Variants in TNRC6C observed in about 807,000 individuals in gnomAD.
The protein encoded by TNRC6C is trinucleotide repeat-containing gene 6C protein.
A neutral mutation model predicts 153.7 loss-of-function variants in TNRC6C; 20 were observed. The ratio of observed to expected loss-of-function variants is 0.13; its 90% CI spans 0.09 to 0.19. The LOEUF is 0.19. TNRC6C is among the 10% of genes least tolerant of loss of function. The pLI is 1.00. For synonymous variants in TNRC6C, 811 were observed against 841.4 expected (o/e 0.96, Z 0.63); for missense variants, 1,987 against 2,172.0 (o/e 0.91, Z 1.69).
upstream of TNRC6C, among the ~76,000 whole-genome samples, chr17:77,957,682 C>G (rs964849981): frequency 5.3e-5 from 8 of 152,368 alleles, no homozygotes; most frequent in African/African-American, 1.7e-4. Flanking sequence ...CTTCTGCGAC[C>G]TTGCATGAAA....
At chr17:78,098,453 A>T (rs745570399) in exon 17 of TNRC6C, 2 of 1,613,984 alleles carry the variant, frequency 1.2e-6, no homozygotes, top group African/African-American at 2.7e-5. Flanking sequence ...TGCACCCACG[A>T]GGCCACCTCC....
At chr17:78,097,610 C>T in intron 16 of TNRC6C, 135 bp from the exon 19 acceptor site, 1 of 588,886 alleles carries the variant, frequency 1.7e-6, no homozygotes, top group Non-Finnish European at 2.9e-6. Context: ...CCACATGTCA[C>T]TTTCATGTTC....
chr17:78,031,099 TCA>T (rs930468948), intron 1 of TNRC6C, among the ~76,000 whole-genome samples: 10 of 151,692 alleles, frequency 6.6e-5, no homozygotes, highest in African/African-American at 2.4e-4. Context: ...AGACACTGTC[TCA>T]CACTTAAAAA....
At chr17:78,011,076 C>T (rs2071620612) in intron 1 of TNRC6C, among the ~76,000 whole-genome samples, 1 of 152,190 alleles carries the variant, frequency 6.6e-6, no homozygotes, top group East Asian at 1.9e-4. Context: ...AAGGCAGTTT[C>T]TAAGTTTAGA....
chr17:78,064,786 A>T (rs998367040), exon 4 of TNRC6C: 4 of 1,613,932 alleles, frequency 2.5e-6, no homozygotes, highest in Non-Finnish European at 3.4e-6. Flanking sequence ...GGGGAGAACC[A>T]TCCTCCCCTT....
At chr17:77,970,385 A>G (rs7210864) in intron 1 of TNRC6C, among the ~76,000 whole-genome samples, 6,598 of 152,204 alleles carry the variant, frequency 0.043, 462 homozygotes, top group African/African-American at 0.15. Flanking sequence ...AGCTGGGACC[A>G]CAGGCATGCA....
At chr17:77,994,719 A>C (rs940778370) in intron 1 of TNRC6C, among the ~76,000 whole-genome samples, 23 of 152,326 alleles carry the variant, frequency 1.5e-4, no homozygotes, top group Non-Finnish European at 2.9e-4. Flanking sequence ...CACAAGTTTC[A>C]GAACACAGAA....
chr17:78,006,916 C>T (rs2071528549), intron 1 of TNRC6C, among the ~76,000 whole-genome samples: 1 of 151,230 alleles, frequency 6.6e-6, no homozygotes, highest in African/African-American at 2.4e-5. Flanking sequence ...GCAACCTCCA[C>T]CCCTCAGGTT....
At chr17:77,979,793 A>C (rs2071048569) in intron 1 of TNRC6C, among the ~76,000 whole-genome samples, 1 of 152,200 alleles carries the variant, frequency 6.6e-6, no homozygotes, top group South Asian at 2.1e-4. Flanking sequence ...AAATTGCCAA[A>C]ACAAAGAAAA....
intron 1 of TNRC6C, among the ~76,000 whole-genome samples, chr17:77,979,158 C>G (rs968700261): frequency 6.6e-6 from 1 of 152,002 alleles, no homozygotes; most frequent in African/African-American, 2.4e-5. Flanking sequence ...GAACTGGACA[C>G]TATTAAAAAA....
intron 8 of TNRC6C, among the ~76,000 whole-genome samples, chr17:78,076,716 G>A (rs1160454547): frequency 1.3e-5 from 2 of 152,050 alleles, no homozygotes; most frequent in African/African-American, 2.4e-5. Context: ...AAATTAATAA[G>A]GTTCTGTCTT....
intron 12 of TNRC6C, 76 bp from the exon 15 acceptor site, chr17:78,086,777 G>A (rs2073298947): frequency 6.3e-7 from 1 of 1,582,574 alleles, no homozygotes; most frequent in African/African-American, 1.3e-5. Context: ...AGACAATGAA[G>A]AATGCATTTG....
intron 1 of TNRC6C, among the ~76,000 whole-genome samples, chr17:78,013,209 G>A (rs2071667308): frequency 6.6e-6 from 1 of 152,220 alleles, no homozygotes; most frequent in Non-Finnish European, 1.5e-5. Context: ...AAGGACTTTA[G>A]ATCTTCTGGA....
chr17:78,094,282 A>G (rs1324293447), intron 16 of TNRC6C, among the ~76,000 whole-genome samples: 1 of 151,974 alleles, frequency 6.6e-6, no homozygotes, highest in African/African-American at 2.4e-5. Context: ...CATCTCTGAT[A>G]AAGTTTTATC....
intron 1 of TNRC6C, among the ~76,000 whole-genome samples, chr17:77,994,699 C>T (rs907917497): frequency 6.6e-6 from 1 of 151,668 alleles, no homozygotes; most frequent in Non-Finnish European, 1.5e-5. Flanking sequence ...CTAAACTTGC[C>T]CAAATATGCC....
chr17:77,958,366 C>G (rs2070826505), upstream of TNRC6C, among the ~76,000 whole-genome samples: 1 of 152,024 alleles, frequency 6.6e-6, no homozygotes, highest in African/African-American at 2.4e-5. Context: ...CCGAGCAGTG[C>G]AAGCTCCCAG....
At chr17:78,080,183 ACG>A (rs1270231772) in intron 10 of TNRC6C, among the ~76,000 whole-genome samples, 2 of 152,218 alleles carry the variant, frequency 1.3e-5, no homozygotes, top group African/African-American at 4.8e-5. Context: ...GCGGCGGCTC[ACG>A]CCTGTAATCC....
intron 18 of TNRC6C, among the ~76,000 whole-genome samples, chr17:78,102,986 T>C (rs781652213): frequency 6.6e-6 from 1 of 152,234 alleles, no homozygotes; most frequent in Non-Finnish European, 1.5e-5. Context: ...TTTTATAACA[T>C]TTTTTAAAAG....
At chr17:77,994,304 A>T (rs956376228) in intron 1 of TNRC6C, among the ~76,000 whole-genome samples, 1 of 152,200 alleles carries the variant, frequency 6.6e-6, no homozygotes, top group East Asian at 1.9e-4. Flanking sequence ...TGGGCTTCAC[A>T]GATGTTTCTG....
Sources: gnomAD v4.1 joint callset for allele counts (sites outside exome capture counted in the v4.1 genomes callset) on GRCh38, gnomAD v4.1.1 for gene constraint, MANE v1.5 for transcripts, NCBI Gene and HGNC (gene_info 2026-07-23, HGNC 2026-07-21) for gene names.